STRN3: variants seen among roughly 807,000 people sequenced by gnomAD.
STRN3 encodes the protein striatin-3.
Under a neutral mutation model 95.6 loss-of-function variants are expected in STRN3, and 29 were observed. The ratio of observed to expected loss-of-function variants is 0.30; its 90% CI spans 0.23 to 0.41. The LOEUF is 0.41. STRN3 is among the 10% of genes least tolerant of loss of function. The pLI is 1.00. For missense variants in STRN3, 890 were observed against 972.1 expected, an observed-to-expected ratio of 0.92 and a Z score of 1.12; for synonymous variants, 331 against 357.6, an observed-to-expected ratio of 0.93 and a Z score of 0.84.
chr14:30,929,149 T>C (rs1878346590), intron 8 of STRN3, 52 bp downstream of exon 8: 3 of 1,454,904 alleles, frequency 2.1e-6, no homozygotes, highest in Middle Eastern at 3.6e-4. Flanking sequence ...TGAAGAACTT[T>C]TTTCTCAATT....
chr14:30,995,137 CCA>C (rs1882140048), intron 1 of STRN3, among the ~76,000 whole-genome samples: 1 of 152,158 alleles, frequency 6.6e-6, no homozygotes, highest in African/African-American at 2.4e-5. Context: ...ACCTGATAAC[CCA>C]CAGTCATCAG....
chr14:30,946,987 A>C (rs1003156936), intron 5 of STRN3, 103 bp downstream of exon 5: 13 of 915,220 alleles, frequency 1.4e-5, no homozygotes, highest in African/African-American at 1.2e-4. Context: ...GTCAAAAAAA[A>C]AAAAAAAAAA....
intron 5 of STRN3, among the ~76,000 whole-genome samples, chr14:30,946,884 C>G (rs1180783967): frequency 1.3e-5 from 2 of 150,192 alleles, no homozygotes; most frequent in East Asian, 3.9e-4. Context: ...GAGGCTGAGG[C>G]AGGAGAATTG....
chr14:30,993,409 A>G (rs1882056008), intron 1 of STRN3, among the ~76,000 whole-genome samples: 1 of 152,176 alleles, frequency 6.6e-6, no homozygotes, highest in Middle Eastern at 3.2e-3. Flanking sequence ...AAAAATGTGA[A>G]CATACAAAAC....
chr14:30,951,115 T>G (rs1209440847), intron 3 of STRN3, among the ~76,000 whole-genome samples, 171 bp from the exon 4 acceptor site: 2 of 152,368 alleles, frequency 1.3e-5, no homozygotes, highest in East Asian at 3.9e-4. Flanking sequence ...TAAATGTGTT[T>G]GTCCTAATAA....
At chr14:30,934,427 T>C (rs997656592) in intron 7 of STRN3, among the ~76,000 whole-genome samples, 6 of 152,194 alleles carry the variant, frequency 3.9e-5, no homozygotes, top group South Asian at 2.1e-4. Context: ...TAAATGAGGA[T>C]TGCATGAATG....
rs1395143556 is a variant in STRN3 at position 30,947,234 on chromosome 14, G to C, written c.572C>G (p.Thr191Arg). 3 of 1,605,800 alleles carry C rather than the reference G, an allele frequency of 1.9e-6. No homozygotes were observed. The highest frequency in any genetic ancestry group is 2.7e-5 in the African/African-American group (2 of 74,414). The change falls in exon 5 of 18, where the codon ACA becomes AGA. Residue 191 changes from threonine (T) to arginine (R), a missense_variant. By Grantham distance (71) the Thr-to-Arg change is moderately conservative. Coordinates refer to ENST00000357479, the MANE Select transcript of STRN3 (RefSeq NM_001083893.2). ...QYLQEVGYTD[T>R]ILDVRSQRVR... ...CCGCTGAGACCGTACATCTAATATTGTATCTGTATAACCTACTTCCTGAAG... is the reference window on the plus strand; with the variant it reads ...CCGCTGAGACCGTACATCTAATATTCTATCTGTATAACCTACTTCCTGAAG...
chr14:30,906,823 T>C (rs1014852349), intron 14 of STRN3, 54 bp downstream of exon 14: 8 of 1,528,654 alleles, frequency 5.2e-6, no homozygotes, highest in Non-Finnish European at 7.1e-6. Context: ...GTCCTTTATA[T>C]ATTCCAATTT....
At chr14:30,915,852 T>C (rs1354704326) in intron 9 of STRN3, among the ~76,000 whole-genome samples, 1 of 152,180 alleles carries the variant, frequency 6.6e-6, no homozygotes, top group Non-Finnish European at 1.5e-5. Context: ...CAGACCAATT[T>C]AGGAGCATGT....
chr14:30,924,636 T>C (rs555697815), intron 8 of STRN3, among the ~76,000 whole-genome samples: 1 of 152,182 alleles, frequency 6.6e-6, no homozygotes, highest in African/African-American at 2.4e-5. Flanking sequence ...GGTGAGATGA[T>C]CAGTTGAGGC....
At chr14:30,905,762 C>A (rs1051033452) in intron 14 of STRN3, among the ~76,000 whole-genome samples, 1 of 152,078 alleles carries the variant, frequency 6.6e-6, no homozygotes, top group Admixed American at 6.6e-5. Context: ...TTATAGCATT[C>A]TATTTAATAT....
intron 1 of STRN3, among the ~76,000 whole-genome samples, chr14:30,962,862 T>C (rs1481816714): frequency 3.3e-5 from 5 of 152,200 alleles, no homozygotes; most frequent in Admixed American, 1.3e-4. Context: ...ACCTTTTCTA[T>C]GTTTAGATAC....
At chr14:31,024,341 AC>A (rs1372981159) in intron 1 of STRN3, among the ~76,000 whole-genome samples, 3 of 152,244 alleles carry the variant, frequency 2.0e-5, no homozygotes, top group Non-Finnish European at 4.4e-5. Context: ...TACTTTACTC[AC>A]ACAGAAAATT....
At chr14:30,961,754 C>T (rs1215176388) in intron 1 of STRN3, among the ~76,000 whole-genome samples, 1 of 152,136 alleles carries the variant, frequency 6.6e-6, no homozygotes, top group Non-Finnish European at 1.5e-5. Context: ...AAGGCTCGGG[C>T]CACCAGCCAG....
intron 1 of STRN3, among the ~76,000 whole-genome samples, chr14:30,964,920 C>A (rs1322018078): frequency 7.6e-5 from 11 of 143,802 alleles, no homozygotes; most frequent in African/African-American, 1.0e-4. Context: ...GGCCCCTTCT[C>A]AAAAAAAAAA....
At chr14:30,967,289 G>A (rs1407347541) in intron 1 of STRN3, among the ~76,000 whole-genome samples, 1 of 144,256 alleles carries the variant, frequency 6.9e-6, no homozygotes, top group Non-Finnish European at 1.5e-5. Context: ...CAGAGAGGGG[G>A]GAAAGAGAGG....
At chr14:31,024,572 C>G (rs1883691790) in intron 1 of STRN3, among the ~76,000 whole-genome samples, 1 of 152,044 alleles carries the variant, frequency 6.6e-6, no homozygotes, top group African/African-American at 2.4e-5. Flanking sequence ...TCAAAATACC[C>G]AAGTATTTTT....
At chr14:30,955,909 CT>C (rs908410046) in intron 2 of STRN3, among the ~76,000 whole-genome samples, 26 of 151,276 alleles carry the variant, frequency 1.7e-4, no homozygotes, top group African/African-American at 5.6e-4. Context: ...TATCCTTTGT[CT>C]TTTTTTTTAA....
chr14:30,959,591 T>C (rs1210815617), intron 1 of STRN3, among the ~76,000 whole-genome samples: 2 of 152,214 alleles, frequency 1.3e-5, no homozygotes, highest in East Asian at 1.9e-4. Context: ...AGCAATGTTA[T>C]AGCATCATCT....
Sources: allele counts gnomAD v4.1 joint callset (sites outside exome capture counted in the v4.1 genomes callset), GRCh38; gene constraint gnomAD v4.1.1; transcripts MANE v1.5; gene names NCBI Gene and HGNC (gene_info 2026-07-23, HGNC 2026-07-21).